CALD1: variants seen among roughly 807,000 people sequenced by gnomAD.
CALD1 encodes caldesmon.
CALD1 carries 33 observed loss-of-function variants against 99.9 expected under a neutral mutation model. That is an observed-to-expected ratio of 0.33 (90% CI 0.25 to 0.44). CALD1 has a LOEUF of 0.44. Ranked by LOEUF, CALD1 falls within the 20% of genes least tolerant of loss-of-function variation. The pLI, the probability that CALD1 is intolerant of heterozygous loss-of-function variation, is 1.00. For synonymous variants in CALD1, 310 were observed against 325.0 expected (o/e 0.95, Z 0.50); for missense variants, 861 against 962.1 (o/e 0.89, Z 1.39).
chr7:134,949,953 G>A (rs1807208811), intron 8 of CALD1, among the ~76,000 whole-genome samples: 1 of 151,928 alleles, frequency 6.6e-6, no homozygotes, highest in South Asian at 2.1e-4. Context: ...TTTTAAGAAA[G>A]TTTACGAATT....
intron 3 of CALD1, among the ~76,000 whole-genome samples, chr7:134,891,020 T>C (rs1344716321): frequency 6.6e-6 from 1 of 152,240 alleles, no homozygotes; most frequent in Non-Finnish European, 1.5e-5. Flanking sequence ...CCAATGCTAA[T>C]TGAGAACAGA....
chr7:134,792,506 G>C (rs1797579543), intron 1 of CALD1, among the ~76,000 whole-genome samples: 1 of 151,806 alleles, frequency 6.6e-6, no homozygotes, highest in African/African-American at 2.4e-5. Flanking sequence ...TGGGCAGGCT[G>C]GTCTCGAACT....
chr7:134,968,142 A>G (rs1808812225), intron 14 of CALD1, among the ~76,000 whole-genome samples, 198 bp from the exon 15 acceptor site: 1 of 152,178 alleles, frequency 6.6e-6, no homozygotes, highest in Admixed American at 6.6e-5. Flanking sequence ...GCAAGATTCC[A>G]TCTCAAAAAA....
At chr7:134,941,378 G>T in intron 7 of CALD1, 141 bp downstream of exon 7, 2 of 640,888 alleles carry the variant, frequency 3.1e-6, no homozygotes, top group Non-Finnish European at 5.3e-6. Flanking sequence ...ATTAGCCATT[G>T]TCTTAGAGAT....
intron 1 of CALD1, among the ~76,000 whole-genome samples, chr7:134,796,692 C>T (rs911622950): frequency 6.6e-6 from 1 of 151,970 alleles, no homozygotes; most frequent in African/African-American, 2.4e-5. Flanking sequence ...CTCAAGCAAT[C>T]ATCCTGCCCT....
chr7:134,817,070 G>A lies in CALD1; in HGVS notation c.-129-26814G>A, dbSNP rs988604816. 2.6e-5 allele frequency among the ~76,000 whole-genome samples: 4 copies of A among 152,024 alleles called. No individual in the cohort carries two copies. The East Asian group carries it at 5.8e-4, about 22-fold the overall frequency. ...TTTGCTAGGATGTTGTTACTGCTTC[G>A]GTTTTATTTTTATTTAAATTTTTTA... is the stretch of plus-strand genomic sequence containing the variant. On this transcript the variant is annotated intron_variant, in intron 1 of 14. Coordinates refer to ENST00000361675, the MANE Select transcript of CALD1 (RefSeq NM_033138.4).
upstream of CALD1, among the ~76,000 whole-genome samples, chr7:134,779,221 G>T (rs1797009711): frequency 6.6e-6 from 1 of 152,106 alleles, no homozygotes; most frequent in South Asian, 2.1e-4. Flanking sequence ...CAGAGACTGT[G>T]CTTTCTTTTT....
chr7:134,909,481 G>C (rs1373235359), intron 3 of CALD1, among the ~76,000 whole-genome samples: 1 of 152,192 alleles, frequency 6.6e-6, no homozygotes, highest in Non-Finnish European at 1.5e-5. Context: ...TCAGGAGTTC[G>C]AGACCAGCCT....
Position 134,947,785 on chromosome 7 carries a change from G to T in CALD1, c.1794+16G>T, listed in dbSNP as rs1554475063. The T allele has an allele frequency of 6.2e-7, 1 of 1,607,118 alleles. No homozygotes were observed. Among genetic ancestry groups the T allele is most frequent in the Admixed American group, 1.7e-5 (1 of 58,628 alleles). ...CAGAGAGGAGGTAAGGCGGGCGCTA[G>T]CCCACTGAGAACGTTGCCCGGGAAA... On this transcript the variant is annotated intron_variant, in intron 8 of 14. Transcript: ENST00000361675.
At chr7:134,785,657 T>A (rs1221448891) in intron 1 of CALD1, among the ~76,000 whole-genome samples, 3 of 152,216 alleles carry the variant, frequency 2.0e-5, no homozygotes, top group African/African-American at 7.2e-5. Flanking sequence ...TGCTCTGTTC[T>A]GGGCTCATTT....
At chr7:134,953,669 G>GTT in intron 9 of CALD1, among the ~76,000 whole-genome samples, 1 of 81,202 alleles carries the variant, frequency 1.2e-5, no homozygotes, top group Non-Finnish European at 2.8e-5. Flanking sequence ...TTTTTTTTTT[G>GTT]TTTTTTTTTT....
At chr7:134,790,082 GGAGA>G (rs56962467) in intron 1 of CALD1, among the ~76,000 whole-genome samples, 298 of 142,314 alleles carry the variant, frequency 2.1e-3, no homozygotes, top group Middle Eastern at 0.018. Context: ...AAAGAAATAA[GGAGA>G]GAGAGAGAGA....
chr7:134,924,318 T>A (rs191333960), intron 3 of CALD1, among the ~76,000 whole-genome samples: 48 of 152,334 alleles, frequency 3.2e-4, no homozygotes, highest in Admixed American at 1.7e-3. Flanking sequence ...TTAAAAAAAA[T>A]TTATGTGTGC....
At chr7:134,946,534 A>G (rs575611836) in intron 7 of CALD1, among the ~76,000 whole-genome samples, 5 of 152,226 alleles carry the variant, frequency 3.3e-5, no homozygotes, top group Non-Finnish European at 5.9e-5. Flanking sequence ...TTCTGTCTCT[A>G]TGAATTTGAC....
chr7:134,720,118 C>T, the CALD1 span, among the ~76,000 whole-genome samples: 224 of 151,720 alleles, frequency 1.5e-3, no homozygotes, highest in African/African-American at 5.2e-3. Context: ...TCAGACTCAC[C>T]CTTTGTTCAC....
intron 6 of CALD1, 118 bp downstream of exon 6, chr7:134,935,883 A>G: frequency 1.0e-6 from 1 of 959,432 alleles, no homozygotes; most frequent in Non-Finnish European, 1.5e-6. Flanking sequence ...ATTTCAAGCC[A>G]TGACTCACAG....
chr7:134,850,552 G>A (rs1586105645), intron 2 of CALD1, among the ~76,000 whole-genome samples: 2 of 152,226 alleles, frequency 1.3e-5, no homozygotes, highest in Non-Finnish European at 2.9e-5. Flanking sequence ...ACTGTGCTTG[G>A]TACATAGTAA....
intron 3 of CALD1, among the ~76,000 whole-genome samples, chr7:134,905,550 T>A (rs1238828811): frequency 6.6e-6 from 1 of 152,004 alleles, no homozygotes; most frequent in East Asian, 1.9e-4. Flanking sequence ...TGAAAGTTAT[T>A]CCCTGTGTTT....
intron 3 of CALD1, among the ~76,000 whole-genome samples, chr7:134,923,946 C>A (rs186518033): frequency 2.6e-5 from 4 of 152,176 alleles, no homozygotes; most frequent in African/African-American, 9.7e-5. Flanking sequence ...TCCTTAGCAG[C>A]ATTGTTTATA....
Sources: allele counts gnomAD v4.1 joint callset (sites outside exome capture counted in the v4.1 genomes callset), GRCh38; gene constraint gnomAD v4.1.1; transcripts MANE v1.5; gene names NCBI Gene and HGNC (gene_info 2026-07-23, HGNC 2026-07-21).